SH2B3: variants seen among roughly 807,000 people sequenced by gnomAD.
SH2B3 encodes the protein SH2B adapter protein 3.
SH2B3 carries 43 observed loss-of-function variants against 51.9 expected under a neutral mutation model. The observed-to-expected ratio is 0.83, with a 90% CI of 0.65 to 1.07. The LOEUF (loss-of-function observed/expected upper bound fraction) is 1.07. Ranked by LOEUF, SH2B3 falls within the 50% of genes least tolerant of loss-of-function variation. SH2B3 has a pLI of 0.00. For missense variants in SH2B3, 952 were observed against 834.3 expected (o/e 1.14, Z -1.74); for synonymous variants, 396 against 376.0 (o/e 1.05, Z -0.62).
At chr12:111,437,273 C>A (rs1189394660) in intron 2 of SH2B3, among the ~76,000 whole-genome samples, 2 of 152,138 alleles carry the variant, frequency 1.3e-5, no homozygotes, top group African/African-American at 4.8e-5. Flanking sequence ...GATGTTCTGG[C>A]TGGGGAGGTT....
chr12:111,432,564 G>A (rs1293302053), intron 2 of SH2B3, among the ~76,000 whole-genome samples: 1 of 152,096 alleles, frequency 6.6e-6, no homozygotes, highest in Admixed American at 6.6e-5. Context: ...TAATTCATTG[G>A]TTTTTAGTAT....
chr12:111,434,958 T>C (rs1872740545), intron 2 of SH2B3: 1 of 1,535,386 alleles, frequency 6.5e-7, no homozygotes, highest in Non-Finnish European at 8.7e-7. Flanking sequence ...GCTGTGCCAG[T>C]TGGCTGGGAG....
At chr12:111,444,440 C>T (rs1254105446) in intron 2 of SH2B3, among the ~76,000 whole-genome samples, 1 of 152,164 alleles carries the variant, frequency 6.6e-6, no homozygotes, top group Non-Finnish European at 1.5e-5. Context: ...AAGACTTGCT[C>T]CCCAGAAATA....
intron 2 of SH2B3, among the ~76,000 whole-genome samples, chr12:111,445,232 T>G (rs1410437162): frequency 2.0e-5 from 3 of 151,980 alleles, no homozygotes; most frequent in African/African-American, 7.2e-5. Flanking sequence ...CCAGTGATCC[T>G]TAAGGCCTGC....
chr12:111,418,074 C>T lies in SH2B3; in HGVS notation c.-27-45C>T. 2 of 1,425,880 alleles carry T rather than the reference C, an allele frequency of 1.4e-6. No individual in the cohort carries two copies. The highest frequency in any genetic ancestry group is 1.8e-6 in the Non-Finnish European group (2 of 1,084,038). The allele number at this position is 1,425,880 out of a possible 1,614,324, so 88.3% of individuals were successfully genotyped here. On this transcript the variant is annotated intron_variant, in intron 1 of 7. Transcript: ENST00000341259. This position sits in a 1 kb window ranked among gnomAD's most constrained non-coding sequence, Gnocchi z 6.7. The stretch of plus-strand genomic sequence containing the variant: ...TGTAATGGGGCCTACACCTGCTTGC[C>T]CACCTGCTTACTCCTTGTCGCCCCC...
At chr12:111,447,926 C>T in intron 7 of SH2B3, 57 bp from the exon 8 acceptor site, 1 of 1,549,100 alleles carries the variant, frequency 6.5e-7, no homozygotes, top group African/African-American at 1.4e-5. Flanking sequence ...TGTTCTGTGT[C>T]CTGTCAGCAC....
In SH2B3 at chr12:111,438,937, T is replaced by G. The variant is rs1053797635; in HGVS notation, c.733-7816T>G. 8.5e-5 allele frequency among the ~76,000 whole-genome samples: 13 copies of G among 152,198 alleles called. No homozygotes were observed. The highest frequency in any genetic ancestry group is 3.1e-4 in the African/African-American group (13 of 41,444). ...AGAGGCTGAGGAGGTAACAAGGGTCTCTCAGATGAGGACCACAGGGGAGTT... is the reference window on the plus strand; with the variant it reads ...AGAGGCTGAGGAGGTAACAAGGGTCGCTCAGATGAGGACCACAGGGGAGTT... On this transcript the variant is annotated intron_variant, in intron 2 of 7. Coordinates refer to ENST00000341259, the MANE Select transcript of SH2B3 (RefSeq NM_005475.3). This position sits in a 1 kb window ranked among gnomAD's most constrained non-coding sequence, Gnocchi z 4.2.
intron 2 of SH2B3, among the ~76,000 whole-genome samples, chr12:111,421,614 A>G (rs1024224976): frequency 2.6e-5 from 4 of 151,400 alleles, no homozygotes; most frequent in Middle Eastern, 3.4e-3. Context: ...ATGGGATTTC[A>G]CCATGTTGTC....
chr12:111,434,966 G>C, intron 2 of SH2B3: 1 of 1,535,616 alleles, frequency 6.5e-7, no homozygotes. Flanking sequence ...AGTTGGCTGG[G>C]AGCCCCTCCA....
chr12:111,411,283 G>A lies in SH2B3; in HGVS notation c.-28+5006G>A, dbSNP rs190208451. Among the ~76,000 whole-genome samples the A allele has an allele frequency of 2.5e-4, 38 of 151,336 alleles. No individual in the cohort carries two copies. In the East Asian group the frequency reaches 6.4e-3, roughly 26 times the overall value. ...TTGGAAGGACTGCTTAAACCCACAA[G>A]GTCATGGTTGCAGTGAGCTGTGATC... is the stretch of plus-strand genomic sequence containing the variant. On this transcript the variant is annotated intron_variant, in intron 1 of 7. Coordinates refer to ENST00000341259, the MANE Select transcript of SH2B3 (RefSeq NM_005475.3).
At position 111,429,277 on chromosome 12, in the gene SH2B3, G is replaced by A. The variant is rs1016884833; in HGVS notation, c.732+10400G>A. On this transcript the variant is annotated intron_variant, in intron 2 of 7. Transcript: ENST00000341259. This position sits in a 1 kb window ranked among gnomAD's most constrained non-coding sequence, Gnocchi z 4.4. ...GCTGTGCCCAACACAGCCAGTGTTC[G>A]CTGGGGCCTGCAAGGCTTTGCTGCT... is the stretch of plus-strand genomic sequence containing the variant. 3.3e-5 allele frequency among the ~76,000 whole-genome samples: 5 copies of A among 152,312 alleles called. No individual in the cohort carries two copies. The highest frequency in any genetic ancestry group is 1.9e-4 in the East Asian group (1 of 5,176).
At chr12:111,424,920 G>C (rs920214814) in intron 2 of SH2B3, among the ~76,000 whole-genome samples, 10 of 152,214 alleles carry the variant, frequency 6.6e-5, no homozygotes, top group Non-Finnish European at 1.5e-4. Context: ...CTGCACTTGC[G>C]GTCTGTCACT....
chr12:111,418,603 A>G lies in SH2B3; in HGVS notation c.458A>G (p.Glu153Gly). 1 of 1,491,902 alleles carries G rather than the reference A, an allele frequency of 6.7e-7. No homozygotes were observed. Among genetic ancestry groups the G allele is most frequent in the Non-Finnish European group, 8.9e-7 (1 of 1,128,984 alleles). 92.4% of individuals were successfully genotyped at this position (1,491,902 alleles called of 1,614,324 possible). ...ATCTTCCGCCGCCGCTCGGCCGGGG[A>G]GCTGCCAGCGGCCCACACCGCTGCC... ...RHIFRRRSAG[E>G]LPAAHTAAAP... The change falls in exon 2 of 8, where the codon GAG becomes GGG. Residue 153 changes from glutamate to glycine, a missense_variant. Physicochemically the swap from Glu to Gly is moderately conservative, Grantham distance 98. Transcript: ENST00000341259. The surrounding 1 kb of genome is among the most constrained non-coding windows in gnomAD (Gnocchi z 6.7).
chr12:111,441,672 T>G (rs565383278), intron 2 of SH2B3, among the ~76,000 whole-genome samples: 1 of 152,160 alleles, frequency 6.6e-6, no homozygotes, highest in Non-Finnish European at 1.5e-5. Flanking sequence ...ATAAGGTCTA[T>G]GAAATAGGTC....
chr12:111,435,010 A>C lies in SH2B3; in HGVS notation c.733-11743A>C. 1 of 1,534,302 alleles carries C rather than the reference A, an allele frequency of 6.5e-7. No individual in the cohort carries two copies. The highest frequency in any genetic ancestry group is 8.7e-7 in the Non-Finnish European group (1 of 1,146,050). ...GCCCTTGCTCTCACCTCTTCTTCTG[A>C]ATCATCGTTCTTCGAAGGCAGGCAG... On this transcript the variant is annotated intron_variant, in intron 2 of 7. Coordinates refer to ENST00000341259, the MANE Select transcript of SH2B3 (RefSeq NM_005475.3). This position sits in a 1 kb window ranked among gnomAD's most constrained non-coding sequence, Gnocchi z 4.8.
At chr12:111,408,224 C>T (rs34368158) in intron 1 of SH2B3, among the ~76,000 whole-genome samples, 31,082 of 152,064 alleles carry the variant, frequency 0.2, 3,292 homozygotes, top group East Asian at 0.33. Context: ...CCTCAGTTTC[C>T]TCATCTGTGA....
rs1471634898 is a variant in SH2B3 at position 111,448,310 on chromosome 12, G to C, written c.*8G>C. The C allele has an allele frequency of 3.8e-6, 6 of 1,586,440 alleles. No individual in the cohort carries two copies. The highest frequency in any genetic ancestry group is 1.3e-5 in the African/African-American group (1 of 74,416). ...CAGTACACACCTCTCTGACCAGTGAGGAATTCCAGGCCTCAACAGCTGCCC... is the reference window on the plus strand; with the variant it reads ...CAGTACACACCTCTCTGACCAGTGACGAATTCCAGGCCTCAACAGCTGCCC... On this transcript the variant is annotated 3_prime_UTR_variant, in exon 8 of 8. Coordinates refer to ENST00000341259, the MANE Select transcript of SH2B3 (RefSeq NM_005475.3).
At chr12:111,430,312 C>T (rs1434382442) in intron 2 of SH2B3, among the ~76,000 whole-genome samples, 1 of 152,172 alleles carries the variant, frequency 6.6e-6, no homozygotes, top group Non-Finnish European at 1.5e-5. Flanking sequence ...TTAGAAGAAA[C>T]CCCCGACCGC....
intron 2 of SH2B3, among the ~76,000 whole-genome samples, chr12:111,427,391 A>G (rs111527537): frequency 1.6e-5 from 1 of 63,748 alleles, no homozygotes; most frequent in African/African-American, 1.9e-4. Flanking sequence ...ATCTCAGGAA[A>G]AAAAAAAAAA....
Sources: allele counts gnomAD v4.1 joint callset (sites outside exome capture counted in the v4.1 genomes callset), GRCh38; gene constraint gnomAD v4.1.1; non-coding constraint Gnocchi (gnomAD v3.1); transcripts MANE v1.5; gene names NCBI Gene and HGNC (gene_info 2026-07-23, HGNC 2026-07-21).